The following NKD1 variants were observed in gnomAD, a reference collection of about 807,000 sequenced individuals.
NKD1 encodes protein naked cuticle homolog 1.
In NKD1, 21 loss-of-function variants were observed where a neutral mutation model predicts 56.0. The observed-to-expected ratio is 0.38, with a 90% CI of 0.27 to 0.54. The LOEUF (loss-of-function observed/expected upper bound fraction) is 0.54. NKD1 is among the 20% of genes least tolerant of loss of function. The pLI, the probability that NKD1 is intolerant of heterozygous loss-of-function variation, is 0.82. For missense variants in NKD1, 578 were observed against 642.7 expected (o/e 0.90, Z 1.09); for synonymous variants, 263 against 265.7 (o/e 0.99, Z 0.10).
chr16:50,614,116 A>G (rs1473893495), intron 4 of NKD1, among the ~76,000 whole-genome samples: 2 of 152,142 alleles, frequency 1.3e-5, no homozygotes, highest in African/African-American at 2.4e-5. Flanking sequence ...CCCACAGGTG[A>G]AAAAGCTGGA....
chr16:50,634,151 C>T lies in NKD1; in HGVS notation c.*370C>T, dbSNP rs1297861473. 1 of 195,300 alleles carries T rather than the reference C, an allele frequency of 5.1e-6. No homozygotes were observed. The highest frequency in any genetic ancestry group is 1.2e-4 in the East Asian group (1 of 8,544). The allele number at this position is 195,300 out of a possible 1,614,324, so 12.1% of individuals were successfully genotyped here. On this transcript the variant is annotated 3_prime_UTR_variant, in exon 10 of 10. Coordinates refer to ENST00000268459, the MANE Select transcript of NKD1 (RefSeq NM_033119.5). ...CACCCCAGCCTCTTCCAGGAGAGCA[C>T]CCTTACTTGGCCCGGCTTCCAGAGA...
At chr16:50,552,175 A>T (rs894723298) in intron 3 of NKD1, 1 of 152,202 alleles carries the variant, frequency 6.6e-6, no homozygotes, top group Non-Finnish European at 1.5e-5. Flanking sequence ...AACTAGTATT[A>T]TTGTTATTGC....
chr16:50,548,707 G>T lies in NKD1; in HGVS notation c.26-10G>T. On this transcript the variant is annotated splice_polypyrimidine_tract_variant and intron_variant, in intron 1 of 9. Coordinates refer to ENST00000268459, the MANE Select transcript of NKD1 (RefSeq NM_033119.5). ...GCCGCCGCCGCCGCCGCCTCGCGATGTGCCTGCAGCCGCCGTGTGCAAGCG... is the reference window on the plus strand; with the variant it reads ...GCCGCCGCCGCCGCCGCCTCGCGATTTGCCTGCAGCCGCCGTGTGCAAGCG... 6.8e-7 allele frequency: 1 copy of T among 1,464,644 alleles called. No homozygotes were observed. Among genetic ancestry groups the T allele is most frequent in the Non-Finnish European group, 9.0e-7 (1 of 1,116,656 alleles). The allele number at this position is 1,464,644 out of a possible 1,614,324, so 90.7% of individuals were successfully genotyped here. A position where few individuals can be genotyped will look rare whatever the true frequency, so the allele number is the denominator to read the frequency against.
intron 2 of NKD1, 162 bp downstream of exon 2, chr16:50,548,911 C>G (rs1384354454): frequency 2.0e-5 from 18 of 878,138 alleles, no homozygotes; most frequent in South Asian, 5.2e-5. Context: ...TTCGCGCCCC[C>G]TCCTCTGTCC....
intron 3 of NKD1, among the ~76,000 whole-genome samples, chr16:50,593,586 C>A (rs1289063264): frequency 6.6e-6 from 1 of 152,182 alleles, no homozygotes; most frequent in African/African-American, 2.4e-5. Flanking sequence ...GTCCCCATGG[C>A]TGGCGTGGTG....
At position 50,598,262 on chromosome 16, in the gene NKD1, T is replaced by TGTGTGTGTGTGTGTGTGTGGGTGTGCGC. The variant is rs138964473; in HGVS notation, c.193-10031_193-10030insTGTGTGTGTGTGTGTGTGGGTGTGCGCG. On this transcript the variant is annotated intron_variant, in intron 3 of 9. Coordinates refer to ENST00000268459, the MANE Select transcript of NKD1 (RefSeq NM_033119.5). The surrounding 1 kb of genome is among the most constrained non-coding windows in gnomAD (Gnocchi z 4.2). ...GTGTGTGTGTGTGTGTGTGTGTGTG[T>TGTGTGTGTGTGTGTGTGTGGGTGTGCGC]GCGCGCACACCTGTGCTCATGGACA... 6.7e-6 allele frequency among the ~76,000 whole-genome samples: 1 copy of TGTGTGTGTGTGTGTGTGTGGGTGTGCGC among 148,572 alleles called. No homozygotes were observed. The highest frequency in any genetic ancestry group is 2.6e-5 in the African/African-American group (1 of 39,058).
chr16:50,584,486 C>T (rs1271677322), intron 3 of NKD1, among the ~76,000 whole-genome samples: 1 of 152,212 alleles, frequency 6.6e-6, no homozygotes, highest in Non-Finnish European at 1.5e-5. Context: ...TAGAATTGGG[C>T]AAGGTCCTAC....
intron 4 of NKD1, among the ~76,000 whole-genome samples, chr16:50,618,154 C>T (rs561144083): frequency 6.6e-5 from 10 of 152,248 alleles, no homozygotes; most frequent in Non-Finnish European, 8.8e-5. Context: ...TTTCCCCACC[C>T]GGTCTCCTGC....
At chr16:50,586,657 G>T (rs1961237170) in intron 3 of NKD1, among the ~76,000 whole-genome samples, 1 of 152,214 alleles carries the variant, frequency 6.6e-6, no homozygotes, top group South Asian at 2.1e-4. Context: ...AGATATAGAA[G>T]ATGCCTTCCT....
At chr16:50,590,030 T>C (rs1239881763) in intron 3 of NKD1, among the ~76,000 whole-genome samples, 1 of 152,038 alleles carries the variant, frequency 6.6e-6, no homozygotes, top group Non-Finnish European at 1.5e-5. Flanking sequence ...AAATTTTTTG[T>C]AGACAGGTCT....
At chr16:50,550,495 C>T (rs1430950783) in intron 3 of NKD1, among the ~76,000 whole-genome samples, 1 of 151,940 alleles carries the variant, frequency 6.6e-6, no homozygotes, top group African/African-American at 2.4e-5. Context: ...CCTGGCAGCT[C>T]GCTTGCAGTG....
intron 3 of NKD1, among the ~76,000 whole-genome samples, chr16:50,564,909 C>T (rs571918175): frequency 6.6e-6 from 1 of 152,318 alleles, no homozygotes; most frequent in East Asian, 1.9e-4. Flanking sequence ...CTCCCAGCTT[C>T]CCCCTTTGGA....
intron 3 of NKD1, among the ~76,000 whole-genome samples, chr16:50,562,631 C>G (rs1960659150): frequency 1.3e-5 from 2 of 152,078 alleles, no homozygotes. Flanking sequence ...CTCTTGGGTG[C>G]TATTCAAAAT....
intron 5 of NKD1, among the ~76,000 whole-genome samples, chr16:50,624,809 C>T (rs1962173276): frequency 6.6e-6 from 1 of 152,206 alleles, no homozygotes; most frequent in African/African-American, 2.4e-5. Flanking sequence ...GGCATTCCTT[C>T]CCAGGCTCTT....
At chr16:50,612,050 T>TC (rs1247576231) in intron 4 of NKD1, among the ~76,000 whole-genome samples, 1 of 152,092 alleles carries the variant, frequency 6.6e-6, no homozygotes, top group East Asian at 1.9e-4. Flanking sequence ...TCCAAAGGCC[T>TC]CCCCGTACTC....
chr16:50,611,481 C>T (rs888520117), intron 4 of NKD1, among the ~76,000 whole-genome samples: 22 of 151,644 alleles, frequency 1.5e-4, no homozygotes, highest in African/African-American at 5.1e-4. Flanking sequence ...CCCTGCTGCC[C>T]TCTCCCCACT....
At position 50,636,114 on chromosome 16, in the gene NKD1, T is replaced by C. The variant is rs755500068; in HGVS notation, c.*2333T>C. On this transcript the variant is annotated 3_prime_UTR_variant, in exon 10 of 10. Transcript: ENST00000268459. Reference sequence around the variant, plus strand: ...TGGCTGGGCTTCGATCTGGTACCCATAGCTGGACCAATCATGACATCCCAG... The same window carrying C: ...TGGCTGGGCTTCGATCTGGTACCCACAGCTGGACCAATCATGACATCCCAG... 6 of 152,274 alleles carry C rather than the reference T, an allele frequency of 3.9e-5. No homozygotes were observed. Among genetic ancestry groups the C allele is most frequent in the Admixed American group, 3.3e-4 (5 of 15,284 alleles). The allele number at this position is 152,274 out of a possible 1,614,324, so 9.4% of individuals were successfully genotyped here.
Position 50,642,554 on chromosome 16 carries a change from G to A in NKD1, c.*8773G>A, listed in dbSNP as rs1962597649. 6.6e-6 allele frequency: 1 copy of A among 152,302 alleles called. No individual in the cohort carries two copies. The highest frequency in any genetic ancestry group is 1.5e-5 in the Non-Finnish European group (1 of 68,092). 9.4% of individuals were successfully genotyped at this position (152,302 alleles called of 1,614,324 possible). Reference sequence around the variant, plus strand: ...ACAAGTGACTCACCTCTGTGCCTTGGTGTTTTTCTCTAACATGGGGCTAAT... The same window carrying A: ...ACAAGTGACTCACCTCTGTGCCTTGATGTTTTTCTCTAACATGGGGCTAAT... On this transcript the variant is annotated 3_prime_UTR_variant, in exon 10 of 10. Coordinates refer to ENST00000268459, the MANE Select transcript of NKD1 (RefSeq NM_033119.5).
intron 3 of NKD1, among the ~76,000 whole-genome samples, chr16:50,568,173 TG>T (rs1960803717): frequency 6.6e-6 from 1 of 152,134 alleles, no homozygotes; most frequent in Admixed American, 6.5e-5. Context: ...TGCGAAGGCC[TG>T]GGGGGCCCCT....
Sources: gnomAD v4.1 joint callset for allele counts (sites outside exome capture counted in the v4.1 genomes callset) on GRCh38, gnomAD v4.1.1 for gene constraint, Gnocchi (gnomAD v3.1) non-coding constraint, MANE v1.5 for transcripts, NCBI Gene and HGNC (gene_info 2026-07-23, HGNC 2026-07-21) for gene names.